Variants in TMEM178B observed in about 807,000 individuals in gnomAD.
TMEM178B encodes the protein transmembrane protein 178B.
A neutral mutation model predicts 31.0 loss-of-function variants in TMEM178B; 5 were observed. That is an observed-to-expected ratio of 0.16 (90% confidence interval 0.08 to 0.34). The LOEUF (loss-of-function observed/expected upper bound fraction) is 0.34, where lower values mean the gene tolerates loss of function less well. TMEM178B is among the 10% of genes least tolerant of loss of function. The probability of loss-of-function intolerance (pLI) is 1.00; values close to 1 mark genes in which losing one functional copy is unlikely to be tolerated. For synonymous variants in TMEM178B, 164 were observed against 164.0 expected (o/e 1.00, Z 0.00); for missense variants, 275 against 400.3 (o/e 0.69, Z 2.67).
chr7:141,189,242 A>AACTC (rs1168935311), intron 1 of TMEM178B, among the ~76,000 whole-genome samples: 73 of 152,386 alleles, frequency 4.8e-4, no homozygotes, highest in African/African-American at 1.7e-3. Flanking sequence ...CCAAGAGCAA[A>AACTC]GCTCTAATGG....
At chr7:141,110,760 G>T (rs922339688) in intron 1 of TMEM178B, among the ~76,000 whole-genome samples, 2 of 152,210 alleles carry the variant, frequency 1.3e-5, no homozygotes, top group African/African-American at 4.8e-5. Flanking sequence ...CCTGACCCTA[G>T]TGTGGCTGTA....
intron 2 of TMEM178B, among the ~76,000 whole-genome samples, chr7:141,425,648 G>A (rs1243670664): frequency 6.6e-6 from 1 of 152,148 alleles, no homozygotes; most frequent in Admixed American, 6.5e-5. Context: ...TTGCGACTCT[G>A]CCTCTTGGTC....
intron 1 of TMEM178B, among the ~76,000 whole-genome samples, chr7:141,139,176 G>T (rs7792252): frequency 0.06 from 9,076 of 152,152 alleles, 928 homozygotes; most frequent in African/African-American, 0.21. Flanking sequence ...CATTTTTAAA[G>T]TTTGTTCTTT....
intron 3 of TMEM178B, among the ~76,000 whole-genome samples, chr7:141,465,631 G>A (rs998010352): frequency 1.4e-4 from 22 of 152,248 alleles, no homozygotes; most frequent in African/African-American, 4.3e-4. Flanking sequence ...TCCCTTTATC[G>A]AGGATCTACC....
chr7:141,116,489 A>G (rs1479787516), intron 1 of TMEM178B, among the ~76,000 whole-genome samples: 3 of 152,178 alleles, frequency 2.0e-5, no homozygotes, highest in African/African-American at 7.2e-5. Context: ...TGAATCTCCA[A>G]TGAATTGACT....
chr7:141,188,190 G>A (rs530879714), intron 1 of TMEM178B, among the ~76,000 whole-genome samples: 11 of 152,288 alleles, frequency 7.2e-5, no homozygotes, highest in Non-Finnish European at 1.6e-4. Flanking sequence ...TGTGTTGTGT[G>A]TAATGGCTAA....
chr7:141,082,659 G>T (rs114171549), intron 1 of TMEM178B, among the ~76,000 whole-genome samples: 1 of 152,370 alleles, frequency 6.6e-6, no homozygotes, highest in African/African-American at 2.4e-5. Context: ...GGAGTAAAGA[G>T]ATGTGTTTTG....
At chr7:141,083,694 A>G (rs1385048921) in intron 1 of TMEM178B, among the ~76,000 whole-genome samples, 1 of 152,242 alleles carries the variant, frequency 6.6e-6, no homozygotes, top group African/African-American at 2.4e-5. Context: ...TGAAAAACCT[A>G]AGAGAAAGGT....
intron 3 of TMEM178B, among the ~76,000 whole-genome samples, chr7:141,464,952 C>T (rs114598418): frequency 9.5e-4 from 144 of 152,298 alleles, no homozygotes; most frequent in African/African-American, 3.2e-3. Flanking sequence ...TGTTACACCA[C>T]GACTACAGTT....
intron 2 of TMEM178B, among the ~76,000 whole-genome samples, chr7:141,256,363 T>C (rs1212720470): frequency 1.3e-5 from 2 of 152,144 alleles, no homozygotes; most frequent in Non-Finnish European, 2.9e-5. Flanking sequence ...ATACATTTAA[T>C]GGGAAAACCA....
At chr7:141,180,079 C>T (rs566444407) in intron 1 of TMEM178B, among the ~76,000 whole-genome samples, 20 of 152,194 alleles carry the variant, frequency 1.3e-4, no homozygotes, top group South Asian at 4.2e-4. Context: ...CATAACTCTC[C>T]GTGACACAGT....
At chr7:141,215,834 CTTT>C (rs1408872484) in intron 2 of TMEM178B, among the ~76,000 whole-genome samples, 12 of 28,888 alleles carry the variant, frequency 4.2e-4, no homozygotes, top group African/African-American at 9.0e-4. Flanking sequence ...TTCTTTCTTT[CTTT>C]CTTTTCTTTT....
chr7:141,150,842 G>A (rs1795961356), intron 1 of TMEM178B, among the ~76,000 whole-genome samples: 1 of 152,184 alleles, frequency 6.6e-6, no homozygotes, highest in South Asian at 2.1e-4. Flanking sequence ...ATTACACAAA[G>A]GGATACACTT....
At chr7:141,396,377 G>A (rs796738404) in intron 2 of TMEM178B, among the ~76,000 whole-genome samples, 25 of 152,254 alleles carry the variant, frequency 1.6e-4, no homozygotes, top group African/African-American at 5.1e-4. Context: ...CCTGCCACTC[G>A]CCTGCCTTTT....
chr7:141,214,984 C>T (rs377588708), intron 2 of TMEM178B, among the ~76,000 whole-genome samples: 1 of 152,266 alleles, frequency 6.6e-6, no homozygotes, highest in African/African-American at 2.4e-5. Flanking sequence ...TTTGCCATTT[C>T]TGACATCGAT....
rs962557558 is a variant in TMEM178B, at chr7:141,340,834, G to A, written c.497-96774G>A. On this transcript the variant is annotated intron_variant, in intron 2 of 3. Transcript: ENST00000565468. ...TAGAAAACAGCTTCTCTCCCTCTCG[G>A]GTGTATACAGAATACTGTATGCTGT... Among the ~76,000 whole-genome samples, 44 of 152,088 alleles carry A rather than the reference G, an allele frequency of 2.9e-4. 1 individual carries two copies. Among genetic ancestry groups the A allele is most frequent in the African/African-American group, 1.0e-3 (43 of 41,464 alleles).
intron 2 of TMEM178B, among the ~76,000 whole-genome samples, chr7:141,324,062 C>A (rs890778121): frequency 6.6e-6 from 1 of 151,894 alleles, no homozygotes; most frequent in African/African-American, 2.4e-5. Flanking sequence ...GGTCAGTGAA[C>A]GTGCAATAGA....
the TMEM178B span, among the ~76,000 whole-genome samples, chr7:141,498,140 GC>G: frequency 1.8e-4 from 28 of 152,162 alleles, no homozygotes; most frequent in Non-Finnish European, 3.7e-4. Context: ...AAGAGACAAA[GC>G]CTGACCTGGT....
intron 1 of TMEM178B, among the ~76,000 whole-genome samples, chr7:141,097,789 C>CTTTTT (rs1307832280): frequency 2.2e-5 from 3 of 136,514 alleles, no homozygotes; most frequent in African/African-American, 6.2e-5. Context: ...CTTTTTCTTT[C>CTTTTT]TTTCTTTTTT....
Sources: gnomAD v4.1 joint callset for allele counts (sites outside exome capture counted in the v4.1 genomes callset) on GRCh38, gnomAD v4.1.1 for gene constraint, MANE v1.5 for transcripts, NCBI Gene and HGNC (gene_info 2026-07-23, HGNC 2026-07-21) for gene names.